Variants in NCAM1 observed in about 807,000 individuals in gnomAD.
The protein encoded by NCAM1 is antigen recognized by monoclonal antibody 5.1H11.
In NCAM1, 14 loss-of-function variants were observed where a neutral mutation model predicts 109.8. That is an observed-to-expected ratio of 0.13 (90% CI 0.08 to 0.20). The LOEUF (loss-of-function observed/expected upper bound fraction) is 0.20, where lower values mean the gene tolerates loss of function less well. Ranked by LOEUF, NCAM1 falls within the 10% of genes least tolerant of loss-of-function variation. The probability of loss-of-function intolerance (pLI) is 1.00; values close to 1 mark genes in which losing one functional copy is unlikely to be tolerated. For synonymous variants in NCAM1, 418 were observed against 442.9 expected, an observed-to-expected ratio of 0.94 and a Z score of 0.70; for missense variants, 774 against 1,109.9, an observed-to-expected ratio of 0.70 and a Z score of 4.30.
At chr11:113,162,703 C>T (rs1942641094) in intron 1 of NCAM1, among the ~76,000 whole-genome samples, 1 of 152,006 alleles carries the variant, frequency 6.6e-6, no homozygotes, top group Non-Finnish European at 1.5e-5. Context: ...TGTTTGTCTC[C>T]ACCAGGAATG....
At chr11:113,053,711 T>C (rs1565407638) in intron 1 of NCAM1, among the ~76,000 whole-genome samples, 2 of 152,242 alleles carry the variant, frequency 1.3e-5, no homozygotes, top group Admixed American at 6.5e-5. Context: ...CAGATGCCTC[T>C]GGTCTGTCCC....
intron 9 of NCAM1, among the ~76,000 whole-genome samples, chr11:113,230,832 A>AG (rs1944983500): frequency 6.6e-6 from 1 of 152,218 alleles, no homozygotes; most frequent in East Asian, 1.9e-4. Context: ...TAGAATGTCA[A>AG]GGGGAAATCC....
At chr11:113,167,066 AACAC>A (rs1262025607) in intron 1 of NCAM1, among the ~76,000 whole-genome samples, 1 of 152,154 alleles carries the variant, frequency 6.6e-6, no homozygotes. Context: ...CGTGTTGACA[AACAC>A]ACAGGATATG....
chr11:113,090,439 A>G (rs880003147), intron 1 of NCAM1, among the ~76,000 whole-genome samples: 2 of 152,260 alleles, frequency 1.3e-5, no homozygotes, highest in Non-Finnish European at 2.9e-5. Context: ...TTTCTGCGAC[A>G]TAATTTGTAG....
intron 19 of NCAM1, among the ~76,000 whole-genome samples, chr11:113,272,252 G>A (rs1309095324): frequency 2.0e-5 from 3 of 152,152 alleles, no homozygotes; most frequent in Admixed American, 2.0e-4. Flanking sequence ...CCCCTGAAAG[G>A]ATAAGGGAAG....
intron 1 of NCAM1, among the ~76,000 whole-genome samples, chr11:113,198,514 G>A (rs1943925793): frequency 6.6e-6 from 1 of 152,044 alleles, no homozygotes; most frequent in African/African-American, 2.4e-5. Context: ...TGGGACTACA[G>A]GTGTGTGCCA....
chr11:112,964,479 A>G (rs1375560721), intron 1 of NCAM1, among the ~76,000 whole-genome samples: 2 of 152,190 alleles, frequency 1.3e-5, no homozygotes, highest in African/African-American at 4.8e-5. Context: ...AACTTGCAAG[A>G]GTCAAGGAAT....
chr11:112,987,584 A>G (rs781961670), intron 1 of NCAM1, among the ~76,000 whole-genome samples: 12 of 152,138 alleles, frequency 7.9e-5, no homozygotes, highest in Non-Finnish European at 1.5e-4. Context: ...GTGGGTGCAT[A>G]TATATTTACA....
At chr11:113,006,871 C>T (rs2135056945) in intron 1 of NCAM1, among the ~76,000 whole-genome samples, 1 of 152,228 alleles carries the variant, frequency 6.6e-6, no homozygotes, top group South Asian at 2.1e-4. Flanking sequence ...AAGTAGTGCA[C>T]CATTTCCACT....
intron 6 of NCAM1, 79 bp from the exon 7 acceptor site, chr11:113,207,754 T>G (rs782668024): frequency 3.4e-6 from 5 of 1,449,846 alleles, no homozygotes; most frequent in Admixed American, 2.0e-5. Context: ...TCAGTCTGCA[T>G]TCTATGGAAC....
intron 1 of NCAM1, among the ~76,000 whole-genome samples, chr11:112,970,165 A>T (rs1950839051): frequency 6.6e-6 from 1 of 152,162 alleles, no homozygotes; most frequent in African/African-American, 2.4e-5. Flanking sequence ...AAAGGAGAGG[A>T]GTCCTGCTGG....
At chr11:113,254,765 G>A (rs2137566985) in intron 15 of NCAM1, among the ~76,000 whole-genome samples, 1 of 152,258 alleles carries the variant, frequency 6.6e-6, no homozygotes, top group Non-Finnish European at 1.5e-5. Flanking sequence ...CCACCCAGAA[G>A]GTAACTGTTT....
intron 1 of NCAM1, chr11:113,040,974 A>C (rs1555079892): frequency 6.6e-6 from 1 of 152,176 alleles, no homozygotes; most frequent in African/African-American, 2.4e-5. Context: ...CTAATGTTAT[A>C]ATATTAATAT....
intron 17 of NCAM1, chr11:113,265,270 T>C: frequency 1.8e-6 from 1 of 563,928 alleles, no homozygotes; most frequent in South Asian, 7.8e-5. Flanking sequence ...CCTCCGCCTC[T>C]CATGTACCTG....
At chr11:113,178,928 C>A (rs529186852) in intron 1 of NCAM1, among the ~76,000 whole-genome samples, 1 of 152,262 alleles carries the variant, frequency 6.6e-6, no homozygotes, top group East Asian at 1.9e-4. Context: ...TCTTGGTGAC[C>A]CACTTTTATT....
chr11:113,101,803 G>A (rs1939888763), intron 1 of NCAM1, among the ~76,000 whole-genome samples: 1 of 152,122 alleles, frequency 6.6e-6, no homozygotes, highest in South Asian at 2.1e-4. Flanking sequence ...GGGAAACTGA[G>A]GCCCAGAAAG....
At chr11:113,001,802 A>AT (rs1439912258) in intron 1 of NCAM1, among the ~76,000 whole-genome samples, 1 of 152,096 alleles carries the variant, frequency 6.6e-6, no homozygotes, top group Non-Finnish European at 1.5e-5. Flanking sequence ...GCTCATTTAG[A>AT]TAAAAAAAAA....
chr11:113,025,995 T>C (rs1952534730), intron 1 of NCAM1, among the ~76,000 whole-genome samples: 1 of 152,202 alleles, frequency 6.6e-6, no homozygotes, highest in Admixed American at 6.5e-5. Flanking sequence ...CTAATGCTTA[T>C]TGAACTGTCA....
At chr11:113,270,852 C>A (rs1946252216) in intron 18 of NCAM1, among the ~76,000 whole-genome samples, 2 of 152,186 alleles carry the variant, frequency 1.3e-5, no homozygotes, top group Non-Finnish European at 2.9e-5. Context: ...CAACAGGGAA[C>A]AAACAGATAG....
Sources: gnomAD v4.1 joint callset for allele counts (sites outside exome capture counted in the v4.1 genomes callset) on GRCh38, gnomAD v4.1.1 for gene constraint, MANE v1.5 for transcripts, NCBI Gene and HGNC (gene_info 2026-07-23, HGNC 2026-07-21) for gene names.